CPED1: variants seen among roughly 807,000 people sequenced by gnomAD.
CPED1 encodes the protein cadherin like and PC-esterase domain containing 1, also known as cadherin-like and PC-esterase domain-containing protein 1.
Under a neutral mutation model 128.2 loss-of-function variants are expected in CPED1, and 114 were observed. The ratio of observed to expected loss-of-function variants is 0.89; its 90% CI spans 0.76 to 1.04. The LOEUF is 1.04. Among genes scored for constraint, CPED1 ranks in the 50% least tolerant of loss-of-function variants. The probability of loss-of-function intolerance (pLI) is 0.00; values close to 1 mark genes in which losing one functional copy is unlikely to be tolerated. For missense variants in CPED1, 1,211 were observed against 1,207.1 expected (o/e 1.00, Z -0.05); for synonymous variants, 462 against 426.7 (o/e 1.08, Z -1.02).
At chr7:121,015,514 GT>G in intron 2 of CPED1, 150 bp from the exon 3 acceptor site, 2 of 654,236 alleles carry the variant, frequency 3.1e-6, no homozygotes, top group Non-Finnish European at 2.5e-6. Flanking sequence ...GGTCATCTTT[GT>G]CCTTGTCAGC....
intron 3 of CPED1, among the ~76,000 whole-genome samples, chr7:121,044,270 A>G (rs1793131562): frequency 6.6e-6 from 1 of 152,176 alleles, no homozygotes; most frequent in African/African-American, 2.4e-5. Context: ...ACAAAGTGAA[A>G]AGGTCTACTA....
Position 120,999,831 on chromosome 7 carries a change from A to G in CPED1, c.249+9961A>G, listed in dbSNP as rs539800746. ...GCTCATACTGAGAGAACTTAAACAA[A>G]TTCAAATTTGTTTACATTAGATACA... On this transcript the variant is annotated intron_variant, in intron 2 of 22. Transcript: ENST00000310396. Among the ~76,000 whole-genome samples, 7 of 152,302 alleles carry G rather than the reference A, an allele frequency of 4.6e-5. No individual in the cohort carries two copies. In the South Asian group the frequency reaches 1.4e-3, roughly 32 times the overall value.
At chr7:121,124,040 A>G (rs1217104362) in intron 7 of CPED1, among the ~76,000 whole-genome samples, 1 of 152,182 alleles carries the variant, frequency 6.6e-6, no homozygotes, top group Non-Finnish European at 1.5e-5. Flanking sequence ...TTACAAATGA[A>G]ACTTTGGAGT....
chr7:121,146,745 G>C (rs528036689), intron 16 of CPED1, among the ~76,000 whole-genome samples: 88 of 152,234 alleles, frequency 5.8e-4, no homozygotes, highest in African/African-American at 2.1e-3. Flanking sequence ...TTTAATGCCT[G>C]TATTTTAGTT....
At chr7:121,027,243 C>A (rs182789441) in intron 3 of CPED1, among the ~76,000 whole-genome samples, 106 of 152,142 alleles carry the variant, frequency 7.0e-4, no homozygotes, top group Non-Finnish European at 1.3e-3. Flanking sequence ...ACACATTATT[C>A]ATATATCTCT....
chr7:121,070,683 TCCATCC>T (rs1793962694), intron 5 of CPED1, among the ~76,000 whole-genome samples: 1 of 152,110 alleles, frequency 6.6e-6, no homozygotes, highest in South Asian at 2.1e-4. Context: ...CAGTAAGCCA[TCCATCC>T]CCAAAACTTA....
At chr7:121,285,392 C>G (rs767849124) in intron 22 of CPED1, among the ~76,000 whole-genome samples, 1 of 152,178 alleles carries the variant, frequency 6.6e-6, no homozygotes, top group Non-Finnish European at 1.5e-5. Flanking sequence ...ACACTTGGCT[C>G]CTCATTACTG....
chr7:121,204,873 G>A (rs1797483765), intron 16 of CPED1, among the ~76,000 whole-genome samples: 2 of 152,076 alleles, frequency 1.3e-5, no homozygotes, highest in Admixed American at 6.6e-5. Context: ...AGCTATTAAT[G>A]TTCCTTTCCT....
At chr7:121,118,307 A>G (rs1377294654) in intron 7 of CPED1, among the ~76,000 whole-genome samples, 1 of 152,176 alleles carries the variant, frequency 6.6e-6, no homozygotes, top group African/African-American at 2.4e-5. Context: ...TCAAACCTGT[A>G]ATCCCAGCAC....
intron 3 of CPED1, among the ~76,000 whole-genome samples, chr7:121,041,380 A>G (rs1319090964): frequency 1.7e-4 from 1 of 5,950 alleles, no homozygotes; most frequent in East Asian, 0.012. Flanking sequence ...ACAAATACAG[A>G]AAAATATATA....
chr7:121,129,301 A>G lies in CPED1; in HGVS notation c.1407+815A>G, dbSNP rs991887399. On this transcript the variant is annotated intron_variant, in intron 11 of 22. Transcript: ENST00000310396. ...TGTGTATATATGTATATATATATAT[A>G]TATATATATACGTATATATATATAT... Among the ~76,000 whole-genome samples, 16 of 6,306 alleles carry G rather than the reference A, an allele frequency of 2.5e-3. No homozygotes were observed. The East Asian group carries it at 0.29, about 113-fold the overall frequency. The allele number at this position is 6,306 out of a possible 152,430, so 4.1% of individuals were successfully genotyped here.
At chr7:121,244,986 A>T (rs1562847992) in intron 18 of CPED1, among the ~76,000 whole-genome samples, 1 of 152,156 alleles carries the variant, frequency 6.6e-6, no homozygotes, top group East Asian at 1.9e-4. Context: ...GGGCACATAG[A>T]CTGAGATGCT....
At chr7:121,007,269 T>A (rs1244297380) in intron 2 of CPED1, among the ~76,000 whole-genome samples, 1 of 149,752 alleles carries the variant, frequency 6.7e-6, no homozygotes, top group Non-Finnish European at 1.5e-5. Context: ...CTTGCACTCT[T>A]CCATTCTCCA....
At chr7:121,162,709 C>T (rs994319490) in intron 16 of CPED1, among the ~76,000 whole-genome samples, 2 of 152,210 alleles carry the variant, frequency 1.3e-5, no homozygotes, top group Admixed American at 6.5e-5. Flanking sequence ...CTCCATCTCA[C>T]TGTGGTGTAT....
At chr7:121,167,698 T>C (rs1259009421) in intron 16 of CPED1, among the ~76,000 whole-genome samples, 1 of 151,290 alleles carries the variant, frequency 6.6e-6, no homozygotes, top group Admixed American at 6.6e-5. Flanking sequence ...CTAGAACCCA[T>C]TAATTTTAGT....
At chr7:121,197,139 A>G (rs1430015532) in intron 16 of CPED1, among the ~76,000 whole-genome samples, 2 of 138,988 alleles carry the variant, frequency 1.4e-5, no homozygotes, top group African/African-American at 5.4e-5. Flanking sequence ...TTTTTTTTCT[A>G]GAGAGGACCC....
At chr7:121,059,474 G>C (rs1311799534) in intron 4 of CPED1, among the ~76,000 whole-genome samples, 1 of 152,020 alleles carries the variant, frequency 6.6e-6, no homozygotes, top group Non-Finnish European at 1.5e-5. Context: ...ACAGATATGA[G>C]GAAAAAGAGC....
At chr7:121,068,129 T>G (rs7806509) in intron 5 of CPED1, among the ~76,000 whole-genome samples, 1 of 152,002 alleles carries the variant, frequency 6.6e-6, no homozygotes, top group Non-Finnish European at 1.5e-5. Flanking sequence ...TTAGATCCCA[T>G]TTGTCAATTT....
chr7:121,116,814 A>G (rs1795245210), intron 7 of CPED1, among the ~76,000 whole-genome samples: 1 of 151,916 alleles, frequency 6.6e-6, no homozygotes, highest in Non-Finnish European at 1.5e-5. Flanking sequence ...TAAAATGAGA[A>G]TGATGAGTAC....
Sources: allele counts gnomAD v4.1 joint callset (sites outside exome capture counted in the v4.1 genomes callset), GRCh38; gene constraint gnomAD v4.1.1; transcripts MANE v1.5; gene names NCBI Gene and HGNC (gene_info 2026-07-23, HGNC 2026-07-21).